SLC43A2: variants seen among roughly 807,000 people sequenced by gnomAD.
SLC43A2 encodes the protein solute carrier family 43 member 2.
Under a neutral mutation model 63.2 loss-of-function variants are expected in SLC43A2, and 38 were observed. That is an observed-to-expected ratio of 0.60 (90% CI 0.46 to 0.79). The LOEUF is 0.79. Ranked by LOEUF, SLC43A2 falls within the 30% of genes least tolerant of loss-of-function variation. The probability of loss-of-function intolerance (pLI) is 0.00; values close to 1 mark genes in which losing one functional copy is unlikely to be tolerated. For synonymous variants in SLC43A2, 322 were observed against 331.0 expected, an observed-to-expected ratio of 0.97 and a Z score of 0.30; for missense variants, 644 against 756.2, an observed-to-expected ratio of 0.85 and a Z score of 1.74.
chr17:1,583,056 G>T lies in SLC43A2; in HGVS notation c.1350+148C>A. 1.1e-6 allele frequency: 1 copy of T among 879,910 alleles called. No homozygotes were observed. The highest frequency in any genetic ancestry group is 1.7e-6 in the Non-Finnish European group (1 of 580,992). 54.5% of individuals were successfully genotyped at this position (879,910 alleles called of 1,614,324 possible). ...ATCACACCACTGCACTCCAGCCTGA[G>T]CAACAGAGTTTGACTCTGTCTCAAA... On this transcript the variant is annotated intron_variant, in intron 11 of 13. Transcript: ENST00000301335. This position sits in a 1 kb window ranked among gnomAD's most constrained non-coding sequence, Gnocchi z 5.5.
intron 5 of SLC43A2, among the ~76,000 whole-genome samples, chr17:1,602,836 G>A (rs1337951810): frequency 1.3e-4 from 19 of 140,994 alleles, no homozygotes; most frequent in Admixed American, 3.0e-4. Context: ...TCGGCTCACC[G>A]CAACCTCCAC....
At chr17:1,623,805 T>C (rs35844335) in intron 2 of SLC43A2, among the ~76,000 whole-genome samples, 7,853 of 56,530 alleles carry the variant, frequency 0.14, 762 homozygotes, top group Non-Finnish European at 0.26. Flanking sequence ...TGTACCCTCC[T>C]CTCCTCCAGG....
chr17:1,587,849 G>A (rs1904361810), intron 9 of SLC43A2, among the ~76,000 whole-genome samples: 3 of 152,240 alleles, frequency 2.0e-5, no homozygotes, highest in Admixed American at 2.0e-4. Flanking sequence ...CCCTGACTAG[G>A]GGGTGGGGGT....
At chr17:1,615,140 C>T (rs1471876034) in intron 3 of SLC43A2, 106 bp from the exon 4 acceptor site, 5 of 1,364,932 alleles carry the variant, frequency 3.7e-6, no homozygotes, top group Non-Finnish European at 5.1e-6. Flanking sequence ...CAGAGCCTTG[C>T]TCTGTCACCC....
At chr17:1,629,234 C>T (rs1908974202), upstream of SLC43A2, among the ~76,000 whole-genome samples, 1 of 152,128 alleles carries the variant, frequency 6.6e-6, no homozygotes, top group African/African-American at 2.4e-5. Context: ...CGCGGCCGCC[C>T]CGCCGTCCCC....
At chr17:1,582,453 G>C (rs1261033894) in intron 11 of SLC43A2, among the ~76,000 whole-genome samples, 2 of 152,202 alleles carry the variant, frequency 1.3e-5, no homozygotes, top group Non-Finnish European at 2.9e-5. Context: ...AACCCCGTGA[G>C]ACTCTGGTGA....
chr17:1,604,825 G>A (rs917291532), intron 5 of SLC43A2: 3 of 1,535,608 alleles, frequency 2.0e-6, no homozygotes, highest in Non-Finnish European at 2.6e-6. Context: ...ACTCCCGTAG[G>A]TCATCCTGAC....
chr17:1,609,498 G>A (rs551548736), intron 5 of SLC43A2, among the ~76,000 whole-genome samples: 9 of 152,278 alleles, frequency 5.9e-5, no homozygotes, highest in East Asian at 1.9e-4. Context: ...CACTGCGCCC[G>A]GCCAGATAAC....
At chr17:1,582,027 A>C (rs1326570086) in intron 11 of SLC43A2, among the ~76,000 whole-genome samples, 1 of 151,454 alleles carries the variant, frequency 6.6e-6, no homozygotes, top group Non-Finnish European at 1.5e-5. Flanking sequence ...GGCTAGTCTC[A>C]AACTCCTGAC....
chr17:1,600,154 T>TATATATATA (rs1567630909), intron 5 of SLC43A2, among the ~76,000 whole-genome samples: 222 of 28,840 alleles, frequency 7.7e-3, no homozygotes, highest in South Asian at 9.5e-3. Flanking sequence ...ATATATATAT[T>TATATATATA]TTTTTTTTTT....
Position 1,590,850 on chromosome 17 carries a change from C to G in SLC43A2, c.1030G>C (p.Ala344Pro). The G allele has an allele frequency of 6.4e-7, 1 of 1,556,054 alleles. No individual in the cohort carries two copies. Among genetic ancestry groups the G allele is most frequent in the South Asian group, 1.2e-5 (1 of 84,382 alleles). ...TQLRLIFYMGAMNNILKFLVS... is the reference protein window; with the variant it reads ...TQLRLIFYMGPMNNILKFLVS... ...AGGAACTTGAGGATGTTGTTCATAG[C>G]CCCCATGTAGAAGATGAGCCGCAGC... is the stretch of plus-strand genomic sequence containing the variant. The change falls in exon 9 of 14, where the codon GCT becomes CCT. Residue 344 changes from alanine to proline, a missense_variant. This residue lies in a region of SLC43A2 where 528 missense variants were observed against 623.6 expected (regional missense o/e 0.85). Coordinates refer to ENST00000301335, the MANE Select transcript of SLC43A2 (RefSeq NM_152346.3).
intron 5 of SLC43A2, among the ~76,000 whole-genome samples, chr17:1,594,752 T>C (rs531004483): frequency 1.8e-4 from 28 of 151,592 alleles, no homozygotes; most frequent in Admixed American, 8.5e-4. Flanking sequence ...CACACCCGGC[T>C]AATTTTTTTG....
intron 6 of SLC43A2, 47 bp from the exon 7 acceptor site, chr17:1,591,746 T>A: frequency 2.0e-6 from 2 of 993,758 alleles, no homozygotes; most frequent in Non-Finnish European, 3.0e-6. Flanking sequence ...GGGGCAGAGT[T>A]AGCCCGGGGA....
At position 1,605,044 on chromosome 17, in the gene SLC43A2, G is replaced by A. The variant is rs1347121426; in HGVS notation, c.501+8151C>T. 12 of 1,416,286 alleles carry A rather than the reference G, an allele frequency of 8.5e-6. No individual in the cohort carries two copies. Among genetic ancestry groups the A allele is most frequent in the Non-Finnish European group, 1.0e-5 (11 of 1,086,882 alleles). 87.7% of individuals were successfully genotyped at this position (1,416,286 alleles called of 1,614,324 possible). A position where few individuals can be genotyped will look rare whatever the true frequency, so the allele number is the denominator to read the frequency against. On this transcript the variant is annotated intron_variant, in intron 5 of 13. Coordinates refer to ENST00000301335, the MANE Select transcript of SLC43A2 (RefSeq NM_152346.3). This position sits in a 1 kb window ranked among gnomAD's most constrained non-coding sequence, Gnocchi z 4.9. ...AAGGACCAGCTTTGCTGCCAAGCAG[G>A]AAGCCGGAGCTGTTTCCTGACTCAC...
intron 5 of SLC43A2, among the ~76,000 whole-genome samples, chr17:1,598,282 G>C (rs938944476): frequency 8.5e-5 from 13 of 152,212 alleles, no homozygotes; most frequent in African/African-American, 2.9e-4. Context: ...TTAGCTGGGC[G>C]TGGTGGTGGG....
chr17:1,601,542 C>T (rs59293613), intron 5 of SLC43A2, among the ~76,000 whole-genome samples: 19,415 of 151,038 alleles, frequency 0.13, 1,650 homozygotes, highest in Middle Eastern at 0.23. Flanking sequence ...CCTTCTGCAC[C>T]GAGACTACCC....
At position 1,591,294 on chromosome 17, in the gene SLC43A2, C is replaced by G; in HGVS notation, c.906G>C (p.Glu302Asp). ...HKLCLSTVDL[E>D]VKCQPDAAVA... ...CTGCGGCATCCGGCTGGCACTTCAC[C>G]TCCAGGTCGACGGTGGACAGGCACA... Residue 302 changes from glutamate (E) to aspartate (D), a missense_variant, in exon 8 of 14, where the codon GAG becomes GAC. Coordinates refer to ENST00000301335, the MANE Select transcript of SLC43A2 (RefSeq NM_152346.3). 6.2e-7 allele frequency: 1 copy of G among 1,606,120 alleles called. No homozygotes were observed. Among genetic ancestry groups the G allele is most frequent in the Non-Finnish European group, 8.5e-7 (1 of 1,179,924 alleles).
chr17:1,578,259 T>C lies in SLC43A2; in HGVS notation c.1415A>G (p.Tyr472Cys), dbSNP rs2075962845. The C allele has an allele frequency of 6.2e-7, 1 of 1,613,780 alleles. No individual in the cohort carries two copies. Among genetic ancestry groups the C allele is most frequent in the South Asian group, 1.1e-5 (1 of 91,080 alleles). ...GGCTTCCAGGACTTACACGGCAGCG[T>C]ACAGGCCCCCGACAGCGGAGTGGAT... Reference protein sequence around the residue: ...GFIHSAVGGLYAAVYPSTQFG... With the variant: ...GFIHSAVGGLCAAVYPSTQFG... Residue 472 changes from tyrosine (Y) to cysteine (C), a missense_variant, in exon 12 of 14, where the codon TAC becomes TGC. Coordinates refer to ENST00000301335, the MANE Select transcript of SLC43A2 (RefSeq NM_152346.3). This position sits in a 1 kb window ranked among gnomAD's most constrained non-coding sequence, Gnocchi z 6.5.
chr17:1,625,644 C>T (rs1293157576), intron 2 of SLC43A2, among the ~76,000 whole-genome samples: 1 of 152,184 alleles, frequency 6.6e-6, no homozygotes, highest in South Asian at 2.1e-4. Flanking sequence ...CTCCAAGAAT[C>T]AAGGAGCAGT....
Sources: gnomAD v4.1 joint callset for allele counts (sites outside exome capture counted in the v4.1 genomes callset) on GRCh38, gnomAD v4.1.1 for gene constraint, gnomAD v4.1.1 regional missense constraint, Gnocchi (gnomAD v3.1) non-coding constraint, MANE v1.5 for transcripts, NCBI Gene and HGNC (gene_info 2026-07-23, HGNC 2026-07-21) for gene names.